Variants in SPIRE2 observed in about 807,000 individuals in gnomAD.
The protein encoded by SPIRE2 is protein spire homolog 2.
SPIRE2 carries 76 observed loss-of-function variants against 80.7 expected under a neutral mutation model. That is an observed-to-expected ratio of 0.94 (90% CI 0.78 to 1.14). The LOEUF (loss-of-function observed/expected upper bound fraction) is 1.14. SPIRE2 is among the 50% of genes most tolerant of loss of function. The pLI is 0.00. For synonymous variants in SPIRE2, 535 were observed against 432.6 expected (o/e 1.24, Z -2.94); for missense variants, 1,196 against 1,015.3 (o/e 1.18, Z -2.42).
At chr16:89,843,515 T>A in intron 1 of SPIRE2, among the ~76,000 whole-genome samples, 1 of 150,970 alleles carries the variant, frequency 6.6e-6, no homozygotes, top group Non-Finnish European at 1.5e-5. Flanking sequence ...CTGCAAAGTC[T>A]GTCTCTCCCT....
At chr16:89,869,951 G>A (rs2041824814) in intron 14 of SPIRE2, 99 bp from the exon 15 acceptor site, 3 of 1,084,312 alleles carry the variant, frequency 2.8e-6, no homozygotes, top group South Asian at 1.5e-5. Flanking sequence ...GGCCTAGGGT[G>A]AAAGGCAGCC....
At chr16:89,860,944 A>AT (rs2041738761) in intron 10 of SPIRE2, 149 bp downstream of exon 10, 1 of 527,396 alleles carries the variant, frequency 1.9e-6, no homozygotes, top group Admixed American at 4.3e-5. Context: ...CGGTCTGAAC[A>AT]TGGGGCACCA....
At chr16:89,840,928 C>T (rs986987383) in intron 1 of SPIRE2, among the ~76,000 whole-genome samples, 2 of 152,060 alleles carry the variant, frequency 1.3e-5, no homozygotes, top group African/African-American at 2.4e-5. Flanking sequence ...TGAGCCACCG[C>T]GCCCAGCTGA....
At chr16:89,866,746 C>G (rs973272462) in intron 12 of SPIRE2, among the ~76,000 whole-genome samples, 4 of 151,726 alleles carry the variant, frequency 2.6e-5, no homozygotes, top group African/African-American at 9.7e-5. Flanking sequence ...GTAGCTGGAA[C>G]TACAGGTGCC....
chr16:89,847,984 C>T (rs1039965457), intron 2 of SPIRE2, among the ~76,000 whole-genome samples: 2 of 152,202 alleles, frequency 1.3e-5, no homozygotes, highest in African/African-American at 4.8e-5. Context: ...CTTCCTCCCT[C>T]TGTCTGTCCT....
chr16:89,851,677 A>G (rs1277562284), intron 3 of SPIRE2, among the ~76,000 whole-genome samples: 1 of 152,098 alleles, frequency 6.6e-6, no homozygotes, highest in East Asian at 1.9e-4. Context: ...TGCTGCCCCA[A>G]GGGAGCTGAT....
chr16:89,831,880 C>T (rs1016831295), intron 1 of SPIRE2, among the ~76,000 whole-genome samples: 5 of 143,712 alleles, frequency 3.5e-5, no homozygotes, highest in African/African-American at 7.4e-5. Context: ...CGCAGCCCCG[C>T]GCACTCCCAG....
intron 1 of SPIRE2, among the ~76,000 whole-genome samples, chr16:89,841,457 G>A (rs1230008607): frequency 1.3e-5 from 2 of 152,018 alleles, no homozygotes; most frequent in African/African-American, 4.8e-5. Flanking sequence ...CGTGGTTGTG[G>A]TAGCTCTGTG....
chr16:89,853,736 G>A (rs974683475), intron 3 of SPIRE2, among the ~76,000 whole-genome samples: 7 of 151,370 alleles, frequency 4.6e-5, no homozygotes, highest in African/African-American at 9.7e-5. Flanking sequence ...AGCAGGTGCC[G>A]CGCCTTCTTC....
chr16:89,836,697 C>G (rs554283659), intron 1 of SPIRE2, among the ~76,000 whole-genome samples: 1 of 151,842 alleles, frequency 6.6e-6, no homozygotes, highest in Non-Finnish European at 1.5e-5. Flanking sequence ...AAATATCCCC[C>G]GGCCGGGGGC....
At chr16:89,836,229 A>G (rs1363980127) in intron 1 of SPIRE2, 1 of 455,946 alleles carries the variant, frequency 2.2e-6, no homozygotes, top group Non-Finnish European at 4.4e-6. Flanking sequence ...AGAGGTCAGA[A>G]ACCCAGGATG....
Position 89,870,461 on chromosome 16 carries a change from T to G in SPIRE2, c.*189T>G. ...TGGGTTCAGGCGCACTTCAAAACCC[T>G]CCCTGGGGGAGGCTGTTTCTTCTCA... On this transcript the variant is annotated 3_prime_UTR_variant, in exon 15 of 15. Transcript: ENST00000378247. The G allele has an allele frequency of 3.9e-6, 2 of 519,204 alleles. No individual in the cohort carries two copies. The highest frequency in any genetic ancestry group is 6.9e-6 in the Non-Finnish European group (2 of 291,446). 32.2% of individuals were successfully genotyped at this position (519,204 alleles called of 1,614,324 possible).
At chr16:89,837,791 T>C (rs1320434013) in intron 1 of SPIRE2, among the ~76,000 whole-genome samples, 2 of 152,134 alleles carry the variant, frequency 1.3e-5, no homozygotes, top group East Asian at 3.9e-4. Context: ...CGTGTGAGTT[T>C]ATGGAACGAG....
intron 2 of SPIRE2, among the ~76,000 whole-genome samples, chr16:89,848,565 T>G (rs2041587594): frequency 6.9e-6 from 1 of 145,456 alleles, no homozygotes. Context: ...TTCCAGGGCC[T>G]TCTACAGTAT....
chr16:89,861,428 G>A (rs2041743579), intron 10 of SPIRE2, among the ~76,000 whole-genome samples: 1 of 152,192 alleles, frequency 6.6e-6, no homozygotes, highest in Non-Finnish European at 1.5e-5. Context: ...TGAGAACTAT[G>A]AGCCTTATAT....
rs552908635 is a variant in SPIRE2, at chr16:89,863,809, C to T, written c.1726C>T (p.Arg576Trp). ...LKKGKICCCCRAKFPLFSWPP... is the reference protein window; with the variant it reads ...LKKGKICCCCWAKFPLFSWPP... The stretch of plus-strand genomic sequence containing the variant: ...CTCCTGACAGATTTGCTGCTGCTGC[C>T]GGGCCAAGTTCCCGCTGTTCTCGTG... Residue 576 changes from arginine to tryptophan, a missense_variant, in exon 12 of 15, where the codon CGG (arginine) becomes TGG (tryptophan). Physicochemically the swap from Arg to Trp is moderately radical, Grantham distance 101. Transcript: ENST00000378247. This position sits in a 1 kb window ranked among gnomAD's most constrained non-coding sequence, Gnocchi z 4.3. The T allele has an allele frequency of 7.6e-5, 122 of 1,613,990 alleles. No homozygotes were observed. The highest frequency in any genetic ancestry group is 3.3e-4 in the Middle Eastern group (2 of 6,062).
intron 2 of SPIRE2, 164 bp downstream of exon 2, chr16:89,845,529 T>A: frequency 2.6e-6 from 2 of 756,258 alleles, no homozygotes; most frequent in South Asian, 2.9e-5. Context: ...TGAAACGCTG[T>A]TCACAGAGAG....
intron 2 of SPIRE2, among the ~76,000 whole-genome samples, chr16:89,847,684 C>T (rs2041576089): frequency 6.6e-6 from 1 of 152,196 alleles, no homozygotes; most frequent in Non-Finnish European, 1.5e-5. Context: ...CCTGGGCTGG[C>T]AGTACTGCCC....
intron 10 of SPIRE2, 56 bp downstream of exon 10, chr16:89,860,851 C>T: frequency 8.8e-7 from 1 of 1,140,488 alleles, no homozygotes; most frequent in Non-Finnish European, 1.2e-6. Flanking sequence ...TTTGCACCCA[C>T]CTTCCCGCCG....
Sources: allele counts gnomAD v4.1 joint callset (sites outside exome capture counted in the v4.1 genomes callset), GRCh38; gene constraint gnomAD v4.1.1; non-coding constraint Gnocchi (gnomAD v3.1); transcripts MANE v1.5; gene names NCBI Gene and HGNC (gene_info 2026-07-23, HGNC 2026-07-21).